The following TLE1 variants were observed in gnomAD, a reference collection of about 807,000 sequenced individuals.
The protein encoded by TLE1 is TLE family member 1, transcriptional corepressor.
In TLE1, 21 loss-of-function variants were observed where a neutral mutation model predicts 89.8. The observed-to-expected ratio is 0.23, with a 90% CI of 0.17 to 0.34. The LOEUF (loss-of-function observed/expected upper bound fraction) is 0.34. Among genes scored for constraint, TLE1 ranks in the 10% least tolerant of loss-of-function variants. TLE1 has a pLI of 1.00. For synonymous variants in TLE1, 447 were observed against 407.6 expected, an observed-to-expected ratio of 1.10 and a Z score of -1.16; for missense variants, 795 against 1,031.2, an observed-to-expected ratio of 0.77 and a Z score of 3.14.
chr9:81,630,561 CA>C (rs1588040803), intron 8 of TLE1, among the ~76,000 whole-genome samples: 1 of 151,842 alleles, frequency 6.6e-6, no homozygotes, highest in Admixed American at 6.6e-5. Context: ...CCCAGATAAA[CA>C]AAAAGTTCTT....
intron 8 of TLE1, among the ~76,000 whole-genome samples, chr9:81,629,384 T>C (rs1211466884): frequency 6.6e-6 from 1 of 152,206 alleles, no homozygotes; most frequent in African/African-American, 2.4e-5. Flanking sequence ...TCATTTCATA[T>C]TTCTCTGCTC....
intron 8 of TLE1, among the ~76,000 whole-genome samples, chr9:81,626,598 C>T (rs929377379): frequency 9.2e-5 from 14 of 152,176 alleles, no homozygotes; most frequent in African/African-American, 3.4e-4. Flanking sequence ...GAAGGGCACA[C>T]ATTGATGTTT....
chr9:81,645,279 G>A (rs999618382), intron 6 of TLE1, among the ~76,000 whole-genome samples: 3 of 150,756 alleles, frequency 2.0e-5, no homozygotes, highest in Admixed American at 6.6e-5. Context: ...CAGAAGAATC[G>A]CTTAACCCGG....
chr9:81,603,095 C>T lies in TLE1; in HGVS notation c.1331+7125G>A, dbSNP rs142263774. On this transcript the variant is annotated intron_variant, in intron 14 of 19. Transcript: ENST00000376499. ...TTGACAACAGCGTGAAGTCACCGGG[C>T]CTTTGCACATGCTGCTCTCTCCACC... Among the ~76,000 whole-genome samples, 349 of 152,272 alleles carry T rather than the reference C, an allele frequency of 2.3e-3. 2 individuals carry two copies. The highest frequency in any genetic ancestry group is 7.9e-3 in the African/African-American group (328 of 41,554).
chr9:81,626,556 A>AT (rs1825932610), intron 8 of TLE1, among the ~76,000 whole-genome samples: 1 of 152,230 alleles, frequency 6.6e-6, no homozygotes, highest in Non-Finnish European at 1.5e-5. Flanking sequence ...CAACCATATC[A>AT]TATCTCAGAA....
intron 4 of TLE1, 40 bp from the exon 5 acceptor site, chr9:81,654,076 C>T: frequency 1.9e-6 from 3 of 1,600,772 alleles, no homozygotes; most frequent in Non-Finnish European, 2.6e-6. Context: ...GAATACTTCA[C>T]AATCAGTTCA....
Position 81,611,830 on chromosome 9 carries a change from G to A in TLE1, c.1193C>T (p.Ser398Leu), listed in dbSNP as rs773264803. ...GGCGGCTGCGGCGCTCATCTGGGGC[G>A]ACATGTTGTGTAAACTGGCGTAGGC... ...GAAYASLHNMSPQMSAAAAAA... is the reference protein window; with the variant it reads ...GAAYASLHNMLPQMSAAAAAA... The change falls in exon 13 of 20, where the codon TCG becomes TTG. Residue 398 changes from serine to leucine, a missense_variant. Coordinates refer to ENST00000376499, the MANE Select transcript of TLE1 (RefSeq NM_005077.5). 1.2e-5 allele frequency: 18 copies of A among 1,560,886 alleles called. No homozygotes were observed. The highest frequency in any genetic ancestry group is 2.5e-5 in the East Asian group (1 of 39,502).
intron 4 of TLE1, among the ~76,000 whole-genome samples, chr9:81,680,789 T>G (rs1486161495): frequency 1.3e-5 from 2 of 152,116 alleles, no homozygotes; most frequent in East Asian, 3.9e-4. Flanking sequence ...CTACCCTCTT[T>G]GTATGACAAG....
At chr9:81,657,927 T>TTTTC (rs1323724108) in intron 4 of TLE1, among the ~76,000 whole-genome samples, 1 of 144,392 alleles carries the variant, frequency 6.9e-6, no homozygotes, top group Non-Finnish European at 1.5e-5. Flanking sequence ...TTTTTTTTTT[T>TTTTC]AAGACAGAGT....
At chr9:81,659,727 G>C (rs1588152401) in intron 4 of TLE1, among the ~76,000 whole-genome samples, 1 of 152,206 alleles carries the variant, frequency 6.6e-6, no homozygotes, top group African/African-American at 2.4e-5. Flanking sequence ...TTGCATCTTG[G>C]CAAACTACTG....
chr9:81,641,438 A>T (rs1343774674), intron 6 of TLE1, among the ~76,000 whole-genome samples: 3 of 152,154 alleles, frequency 2.0e-5, no homozygotes, highest in Non-Finnish European at 4.4e-5. Flanking sequence ...AACAAAAACT[A>T]AAATAACAAT....
At chr9:81,590,566 G>A (rs1253753837) in intron 16 of TLE1, among the ~76,000 whole-genome samples, 1 of 152,228 alleles carries the variant, frequency 6.6e-6, no homozygotes, top group Non-Finnish European at 1.5e-5. Context: ...CTGTATGTGG[G>A]CTGAAGAATT....
chr9:81,629,764 T>C (rs1028515098), intron 8 of TLE1, among the ~76,000 whole-genome samples: 2 of 152,220 alleles, frequency 1.3e-5, no homozygotes, highest in African/African-American at 4.8e-5. Flanking sequence ...ATGTAAGTAT[T>C]TGTGTATCTA....
chr9:81,585,783 G>C (rs1355238170), intron 17 of TLE1, 128 bp from the exon 18 acceptor site: 2 of 1,161,920 alleles, frequency 1.7e-6, no homozygotes, highest in Non-Finnish European at 2.4e-6. Flanking sequence ...ACTGTGGGGA[G>C]GTCCACAGGG....
chr9:81,621,421 T>C (rs1021199455), intron 8 of TLE1, among the ~76,000 whole-genome samples: 1 of 152,160 alleles, frequency 6.6e-6, no homozygotes, highest in Admixed American at 6.5e-5. Context: ...AAGGGGGCAA[T>C]TTGTTCAGTG....
intron 14 of TLE1, among the ~76,000 whole-genome samples, chr9:81,603,079 G>C (rs1226843935): frequency 2.0e-5 from 3 of 152,180 alleles, no homozygotes; most frequent in African/African-American, 4.8e-5. Flanking sequence ...ATTGACAACA[G>C]CGTGAAGTCA....
intron 6 of TLE1, among the ~76,000 whole-genome samples, chr9:81,643,940 A>T (rs1339076273): frequency 6.6e-6 from 1 of 152,168 alleles, no homozygotes; most frequent in Non-Finnish European, 1.5e-5. Flanking sequence ...TAAGGCTATG[A>T]CAAGCCATGT....
intron 6 of TLE1, among the ~76,000 whole-genome samples, chr9:81,650,122 A>T (rs762063797): frequency 6.6e-6 from 1 of 151,998 alleles, no homozygotes; most frequent in African/African-American, 2.4e-5. Flanking sequence ...CTTTATAATA[A>T]CCTCCACAAC....
intron 14 of TLE1, among the ~76,000 whole-genome samples, chr9:81,603,507 C>A (rs547078992): frequency 2.6e-5 from 4 of 152,126 alleles, no homozygotes; most frequent in African/African-American, 4.8e-5. Flanking sequence ...GTACCAGAAA[C>A]AGAAGAACAG....
Sources: allele counts gnomAD v4.1 joint callset (sites outside exome capture counted in the v4.1 genomes callset), GRCh38; gene constraint gnomAD v4.1.1; transcripts MANE v1.5; gene names NCBI Gene and HGNC (gene_info 2026-07-23, HGNC 2026-07-21).